CEP131: variants seen among roughly 807,000 people sequenced by gnomAD.
CEP131 encodes centrosomal protein of 131 kDa.
A neutral mutation model predicts 136.8 loss-of-function variants in CEP131; 99 were observed. That is an observed-to-expected ratio of 0.72 (90% CI 0.62 to 0.86). The LOEUF (loss-of-function observed/expected upper bound fraction) is 0.86, where lower values mean the gene tolerates loss of function less well. CEP131 is among the 40% of genes least tolerant of loss of function. CEP131 has a pLI of 0.00. For missense variants in CEP131, 1,459 were observed against 1,463.0 expected, an observed-to-expected ratio of 1.00 and a Z score of 0.04; for synonymous variants, 646 against 612.7, an observed-to-expected ratio of 1.05 and a Z score of -0.80.
chr17:81,211,538 G>A (rs2062131276), intron 2 of CEP131, among the ~76,000 whole-genome samples: 1 of 152,228 alleles, frequency 6.6e-6, no homozygotes, highest in South Asian at 2.1e-4. Context: ...CCACCCATGC[G>A]GCAGGGACTG....
chr17:81,192,685 G>GGGGGGGGGCGCGCCC, intron 19 of CEP131, 51 bp downstream of exon 19: 1 of 478,438 alleles, frequency 2.1e-6, no homozygotes, highest in Non-Finnish European at 4.1e-6. Flanking sequence ...GGGGGGAGGG[G>GGGGGGGGGCGCGCCC]TCAGCCAGCG....
chr17:81,196,418 C>T (rs767509647), intron 15 of CEP131, among the ~76,000 whole-genome samples: 2 of 152,224 alleles, frequency 1.3e-5, no homozygotes, highest in Non-Finnish European at 2.9e-5. Context: ...CTCTAGGTCT[C>T]TTCTCTTCAG....
chr17:81,198,648 C>G (rs1001849135), intron 11 of CEP131, among the ~76,000 whole-genome samples: 1 of 152,210 alleles, frequency 6.6e-6, no homozygotes, highest in African/African-American at 2.4e-5. Context: ...CCCCCCACCC[C>G]AGGACATCTG....
chr17:81,195,479 C>T (rs1028015472), intron 16 of CEP131, among the ~76,000 whole-genome samples: 7 of 152,222 alleles, frequency 4.6e-5, no homozygotes, highest in Non-Finnish European at 8.8e-5. Context: ...AATGCTCCAC[C>T]GACACCTGGT....
At chr17:81,193,898 GCCCCA>G (rs1352356470) in intron 18 of CEP131, 23 bp downstream of exon 18, 3 of 1,530,410 alleles carry the variant, frequency 2.0e-6, no homozygotes, top group Non-Finnish European at 2.6e-6. Context: ...GAGGGTCCTG[GCCCCA>G]CCGGCCTGGG....
chr17:81,207,411 A>G (rs1246840868), intron 3 of CEP131, among the ~76,000 whole-genome samples, 172 bp from the exon 4 acceptor site: 1 of 152,150 alleles, frequency 6.6e-6, no homozygotes, highest in Non-Finnish European at 1.5e-5. Context: ...AGGGTTCCTC[A>G]GTGGAGCTGG....
chr17:81,204,752 C>G (rs141184736), intron 5 of CEP131, among the ~76,000 whole-genome samples: 3 of 151,648 alleles, frequency 2.0e-5, no homozygotes, highest in African/African-American at 4.9e-5. Context: ...ACACCTGCAC[C>G]GGACCACACC....
intron 23 of CEP131, 38 bp downstream of exon 23, chr17:81,190,869 G>T: frequency 6.3e-7 from 1 of 1,594,178 alleles, no homozygotes; most frequent in Non-Finnish European, 8.5e-7. Flanking sequence ...GGAGGGGCCT[G>T]TGGGTGCCCA....
chr17:81,191,123 C>A, intron 22 of CEP131, 39 bp from the exon 23 acceptor site: 1 of 1,603,370 alleles, frequency 6.2e-7, no homozygotes, highest in South Asian at 1.1e-5. Context: ...CCAGCCCAGT[C>A]ACACACGGGT....
intron 16 of CEP131, among the ~76,000 whole-genome samples, chr17:81,195,451 G>A (rs143139753): frequency 5.3e-5 from 8 of 152,216 alleles, no homozygotes; most frequent in South Asian, 2.1e-4. Flanking sequence ...CTCACACAGC[G>A]GGAAGGGGCG....
chr17:81,200,296 G>A, intron 8 of CEP131, 33 bp downstream of exon 8: 2 of 1,540,362 alleles, frequency 1.3e-6, no homozygotes, highest in Non-Finnish European at 1.8e-6. Context: ...ACCCCCCGGG[G>A]GAGCATGGAG....
At chr17:81,217,813 G>T (rs1410371590) in intron 2 of CEP131, among the ~76,000 whole-genome samples, 1 of 152,184 alleles carries the variant, frequency 6.6e-6, no homozygotes, top group Non-Finnish European at 1.5e-5. Flanking sequence ...AGTAGCGCTC[G>T]CTGTGGCTTT....
rs1002117879 is a variant in CEP131, at chr17:81,203,828, G to T, written c.516-221C>A. On this transcript the variant is annotated intron_variant, in intron 5 of 25. Coordinates refer to ENST00000450824, the MANE Select transcript of CEP131 (RefSeq NM_014984.4). The surrounding 1 kb of genome is among the most constrained non-coding windows in gnomAD (Gnocchi z 4.6). Reference sequence around the variant, plus strand: ...GGAAAGCTGGACCAGGGGCTCCCACGGGGCAGGGGATAGAATCGAGGCATG... The same window carrying T: ...GGAAAGCTGGACCAGGGGCTCCCACTGGGCAGGGGATAGAATCGAGGCATG... The T allele has an allele frequency of 1.1e-5, 6 of 554,404 alleles. No homozygotes were observed. In the African/African-American group the frequency reaches 1.1e-4, roughly 10 times the overall value. The allele number at this position is 554,404 out of a possible 1,614,324, so 34.3% of individuals were successfully genotyped here.
At chr17:81,207,058 C>T in intron 4 of CEP131, 67 bp downstream of exon 4, 1 of 1,559,256 alleles carries the variant, frequency 6.4e-7, no homozygotes, top group South Asian at 1.2e-5. Context: ...GCAGTGAGAA[C>T]AAATTAGGAA....
chr17:81,209,520 C>G (rs958155757), intron 2 of CEP131, among the ~76,000 whole-genome samples: 2 of 152,194 alleles, frequency 1.3e-5, no homozygotes, highest in Non-Finnish European at 2.9e-5. Context: ...GTTCCAGGTC[C>G]GTGGAAAGGG....
At chr17:81,194,221 G>A in intron 17 of CEP131, 94 bp from the exon 18 acceptor site, 1 of 1,236,714 alleles carries the variant, frequency 8.1e-7, no homozygotes, top group Admixed American at 3.3e-5. Context: ...AGGCCCAGAG[G>A]GGACCCCGCC....
At position 81,191,341 on chromosome 17, in the gene CEP131, G is replaced by T. The variant is rs571966380; in HGVS notation, c.2623-6C>A. 41 of 1,612,524 alleles carry T rather than the reference G, an allele frequency of 2.5e-5. 1 individual carries two copies. The African/African-American group carries it at 4.5e-4, about 18-fold the overall frequency. On this transcript the variant is annotated splice_polypyrimidine_tract_variant and splice_region_variant and intron_variant, in intron 21 of 25. Coordinates refer to ENST00000450824, the MANE Select transcript of CEP131 (RefSeq NM_014984.4). The stretch of plus-strand genomic sequence containing the variant: ...CGGTTCAGCAGCCACGCCTCCTGGG[G>T]GGACATGCGCTGCCTGGGGGTTGCC...
In CEP131 at chr17:81,206,791, C is replaced by T. The variant is rs145337460; in HGVS notation, c.468G>A (p.Arg156=). Residue 156 remains arginine (R), a synonymous_variant, in exon 5 of 26, where the codon AGG becomes AGA. Coordinates refer to ENST00000450824, the MANE Select transcript of CEP131 (RefSeq NM_014984.4). ...SALDSPAGPR[R]KECTVALAPN... is the part of the protein sequence containing the mutation. ...GGGCCAGGGCCACGGTGCATTCTTT[C>T]CTCCGCGGGCCCGCTGGTGAGTCAA... The T allele has an allele frequency of 2.4e-5, 38 of 1,614,036 alleles. No homozygotes were observed. The highest frequency in any genetic ancestry group is 3.2e-5 in the Non-Finnish European group (38 of 1,180,036).
At position 81,198,238 on chromosome 17, in the gene CEP131, C is replaced by A; in HGVS notation, c.1347G>T (p.Gly449=). 2 of 1,603,160 alleles carry A rather than the reference C, an allele frequency of 1.2e-6. No individual in the cohort carries two copies. Among genetic ancestry groups the A allele is most frequent in the Non-Finnish European group, 1.7e-6 (2 of 1,175,038 alleles). ...DNLEMMAPSR[G]SAKSRGPLEE... Reference sequence around the variant, plus strand: ...CCAGTGGCCCCCTGGACTTGGCGCTCCCCCTGCTCGGGGCCATCATCTCCA... The same window carrying A: ...CCAGTGGCCCCCTGGACTTGGCGCTACCCCTGCTCGGGGCCATCATCTCCA... The change falls in exon 12 of 26, where the codon GGG becomes GGT. Residue 449 remains glycine (G), a synonymous_variant. Coordinates refer to ENST00000450824, the MANE Select transcript of CEP131 (RefSeq NM_014984.4).
Sources: gnomAD v4.1 joint callset for allele counts (sites outside exome capture counted in the v4.1 genomes callset) on GRCh38, gnomAD v4.1.1 for gene constraint, Gnocchi (gnomAD v3.1) non-coding constraint, MANE v1.5 for transcripts, NCBI Gene and HGNC (gene_info 2026-07-23, HGNC 2026-07-21) for gene names.